SPTBN5: variants seen among roughly 807,000 people sequenced by gnomAD.
SPTBN5 encodes the protein spectrin beta chain, non-erythrocytic 5.
A neutral mutation model predicts 477.6 loss-of-function variants in SPTBN5; 513 were observed. The observed-to-expected ratio is 1.07, with a 90% CI of 1.00 to 1.16. SPTBN5 has a LOEUF of 1.16. SPTBN5 is among the 50% of genes most tolerant of loss of function. The pLI is 0.00. For synonymous variants in SPTBN5, 2,169 were observed against 2,011.7 expected (o/e 1.08, Z -2.09); for missense variants, 5,062 against 4,731.8 (o/e 1.07, Z -2.05).
rs776928265 is a variant in SPTBN5 at position 41,882,781 on chromosome 15, AGGCATG to A, written c.1893-49_1893-44del. 94 of 1,584,056 alleles carry A rather than the reference AGGCATG, an allele frequency of 5.9e-5. No individual in the cohort carries two copies. In the South Asian group the frequency reaches 6.0e-4, roughly 10 times the overall value. ...CCACCGAAGGACATGGGGAGTCGTG[AGGCATG>A]GGCAGTGGGTTCCCCTCCGGGTTTA... On this transcript the variant is annotated intron_variant, in intron 9 of 67. Coordinates refer to ENST00000320955, the MANE Select transcript of SPTBN5 (RefSeq NM_016642.4).
rs945709246 is a variant in SPTBN5 at position 41,867,716 on chromosome 15, T to TGGGCA, written c.6208-79_6208-75dup. The stretch of plus-strand genomic sequence containing the variant: ...CCCCTCCAGCTGCAGTCTGTGCCCA[T>TGGGCA]GGGCACTCTGGGTATGGCAGGGCCT... On this transcript the variant is annotated intron_variant, in intron 34 of 67. Coordinates refer to ENST00000320955, the MANE Select transcript of SPTBN5 (RefSeq NM_016642.4). The TGGGCA allele has an allele frequency of 2.9e-5, 40 of 1,375,356 alleles. No homozygotes were observed. In the African/African-American group the frequency reaches 4.7e-4, roughly 16 times the overall value. 85.2% of individuals were successfully genotyped at this position (1,375,356 alleles called of 1,614,324 possible). A position where few individuals can be genotyped will look rare whatever the true frequency, so the allele number is the denominator to read the frequency against.
At chr15:41,880,054 T>C in intron 14 of SPTBN5, 106 bp downstream of exon 14, 1 of 1,441,712 alleles carries the variant, frequency 6.9e-7, no homozygotes, top group Non-Finnish European at 9.2e-7. Flanking sequence ...TCTGCTCCCC[T>C]CCCCCAGGCA....
chr15:41,874,560 GC>G, intron 23 of SPTBN5, 82 bp from the exon 24 acceptor site: 1 of 1,228,826 alleles, frequency 8.1e-7, no homozygotes. Context: ...CCAAGCCAGG[GC>G]CCGTGAAGAA....
Position 41,857,442 on chromosome 15 carries a change from A to T in SPTBN5, c.8417T>A (p.Ile2806Asn). 1 of 1,607,464 alleles carries T rather than the reference A, an allele frequency of 6.2e-7. No individual in the cohort carries two copies. Among genetic ancestry groups the T allele is most frequent in the African/African-American group, 1.3e-5 (1 of 74,928 alleles). ...AGTGGGGGCTCTCAGCTCAACCTCG[A>T]TGGGCTCCAGCCAGTTCTCCAGTTC... is the stretch of plus-strand genomic sequence containing the variant. ...MEELENWLEPIEVELRAPTVG... is the reference protein window; with the variant it reads ...MEELENWLEPNEVELRAPTVG... Residue 2806 changes from isoleucine to asparagine, a missense_variant, in exon 51 of 68, where the codon ATC (isoleucine) becomes AAC (asparagine). Ile to Asn is a moderately radical substitution (Grantham distance 149, BLOSUM62 -3). Transcript: ENST00000320955.
In SPTBN5 at chr15:41,865,816, A is replaced by G; in HGVS notation, c.6910T>C (p.Ser2304Pro). The stretch of plus-strand genomic sequence containing the variant: ...CAGCAAGGCCCTCTTACCCCGGCCG[A>G]GTTTCCTCGGAACTCGCGGAGCCGC... ...RRRLREFRGN[S>P]AGDTVGDACI... is the part of the protein sequence containing the mutation. Residue 2304 changes from serine (S) to proline (P), a missense_variant, in exon 39 of 68, where the codon TCG becomes CCG. Physicochemically the swap from Ser to Pro is moderately conservative, Grantham distance 74. Coordinates refer to ENST00000320955, the MANE Select transcript of SPTBN5 (RefSeq NM_016642.4). The G allele has an allele frequency of 6.4e-7, 1 of 1,561,060 alleles. No homozygotes were observed. The highest frequency in any genetic ancestry group is 8.7e-7 in the Non-Finnish European group (1 of 1,152,860).
Position 41,855,386 on chromosome 15 carries a change from G to T in SPTBN5, c.9261C>A (p.His3087Gln), listed in dbSNP as rs543269481. 34 of 1,604,664 alleles carry T rather than the reference G, an allele frequency of 2.1e-5. No individual in the cohort carries two copies. In the South Asian group the frequency reaches 3.4e-4, roughly 16 times the overall value. Residue 3087 changes from histidine to glutamine, a missense_variant, in exon 55 of 68, where the codon CAC becomes CAA. Transcript: ENST00000320955. ...CCTCCGCCCTCCGCAGCAGCTCTGC[G>T]TGGGCCTCCCGAACTGCCTGCAGCT... is the stretch of plus-strand genomic sequence containing the variant. Reference protein sequence around the residue: ...LAQLQAVREAHAELLRRAEAR... With the variant: ...LAQLQAVREAQAELLRRAEAR...
intron 66 of SPTBN5, 164 bp downstream of exon 66, chr15:41,850,690 T>A (rs1040605547): frequency 6.2e-5 from 41 of 659,564 alleles, no homozygotes; most frequent in Non-Finnish European, 9.1e-5. Context: ...TTGCGTAACC[T>A]CTCCAGGACC....
At chr15:41,867,449 AG>A (rs2066364497) in intron 35 of SPTBN5, 88 bp downstream of exon 35, 2 of 1,272,924 alleles carry the variant, frequency 1.6e-6, no homozygotes, top group Admixed American at 3.4e-5. Context: ...CACTGCCTCC[AG>A]GAACACACCA....
In SPTBN5 at chr15:41,876,839, A is replaced by T. The variant is rs187363185; in HGVS notation, c.3821T>A (p.Leu1274Gln). ...AEALRAHGEK[L>Q]VQSQHPAAHT... ...TGCAGCTGGGTGCTGGCTCTGAACC[A>T]GCTTCTCGCCGTGTGCCCGCAGAGC... is the stretch of plus-strand genomic sequence containing the variant. The change falls in exon 19 of 68, where the codon CTG (leucine) becomes CAG (glutamine). Residue 1274 changes from leucine (L) to glutamine (Q), a missense_variant. Physicochemically the swap from Leu to Gln is moderately radical, Grantham distance 113. Transcript: ENST00000320955. The T allele has an allele frequency of 3.8e-5, 62 of 1,610,510 alleles. No individual in the cohort carries two copies. Among genetic ancestry groups the T allele is most frequent in the Non-Finnish European group, 4.9e-5 (58 of 1,179,810 alleles).
Position 41,882,570 on chromosome 15 carries a change from T to C in SPTBN5, c.2046+15A>G. On this transcript the variant is annotated intron_variant, in intron 10 of 67. Transcript: ENST00000320955. ...AGGCGCTGGCGACCGGCGGGCGCGC[T>C]CGGGGAGCTGACACCTTGTGTTTCT... is the stretch of plus-strand genomic sequence containing the variant. The C allele has an allele frequency of 6.3e-7, 1 of 1,583,814 alleles. No individual in the cohort carries two copies. Among genetic ancestry groups the C allele is most frequent in the South Asian group, 1.1e-5 (1 of 87,186 alleles).
chr15:41,886,068 A>G lies in SPTBN5; in HGVS notation c.1187T>C (p.Leu396Pro). ...CTCCAGCCCTGCCCAGCACTGGGACAGCTCTGCAAGGCCCAGGCCCTCATG... is the reference window on the plus strand; with the variant it reads ...CTCCAGCCCTGCCCAGCACTGGGACGGCTCTGCAAGGCCCAGGCCCTCATG... ...LPHEGLGLAE[L>P]SQCWAGLEWA... The change falls in exon 7 of 68, where the codon CTG (leucine) becomes CCG (proline). Residue 396 changes from leucine to proline, a missense_variant. Physicochemically the swap from Leu to Pro is moderately conservative, Grantham distance 98 (BLOSUM62 -3). Transcript: ENST00000320955. 6.3e-7 allele frequency: 1 copy of G among 1,595,506 alleles called. No homozygotes were observed.
chr15:41,876,085 C>A (rs776090143), intron 21 of SPTBN5, 29 bp downstream of exon 21: 1 of 1,582,540 alleles, frequency 6.3e-7, no homozygotes, highest in Non-Finnish European at 8.6e-7. Context: ...GACAAGGAGG[C>A]TCTGCACCCT....
Position 41,880,176 on chromosome 15 carries a change from A to G in SPTBN5, c.2795T>C (p.Met932Thr), listed in dbSNP as rs1243314269. 1 of 1,602,088 alleles carries G rather than the reference A, an allele frequency of 6.2e-7. No individual in the cohort carries two copies. ...VQPQADTLEVMQLKYENFLTA... is the reference protein window; with the variant it reads ...VQPQADTLEVTQLKYENFLTA... ...GGGCTGTACCTCATATTTGAGCTGC[A>G]TGACCTCCAGGGTGTCAGCCTGGGG... Residue 932 changes from methionine to threonine, a missense_variant, in exon 14 of 68, where the codon ATG becomes ACG. Coordinates refer to ENST00000320955, the MANE Select transcript of SPTBN5 (RefSeq NM_016642.4).
chr15:41,875,743 C>T, intron 21 of SPTBN5, 121 bp from the exon 22 acceptor site: 1 of 1,071,962 alleles, frequency 9.3e-7, no homozygotes, highest in Non-Finnish European at 1.3e-6. Flanking sequence ...ACTCCACGGG[C>T]TGCCTGGAAG....
chr15:41,875,281 G>T (rs931060211), intron 22 of SPTBN5, among the ~76,000 whole-genome samples, 177 bp downstream of exon 22: 2 of 152,250 alleles, frequency 1.3e-5, no homozygotes, highest in Non-Finnish European at 2.9e-5. Flanking sequence ...GCACACAGGA[G>T]AGAATCCTGC....
Position 41,875,119 on chromosome 15 carries a change from G to A in SPTBN5, c.4288-63C>T, listed in dbSNP as rs368356900. 72 of 1,465,786 alleles carry A rather than the reference G, an allele frequency of 4.9e-5. No homozygotes were observed. The Admixed American group carries it at 7.5e-4, about 15-fold the overall frequency. 90.8% of individuals were successfully genotyped at this position (1,465,786 alleles called of 1,614,324 possible). On this transcript the variant is annotated intron_variant, in intron 22 of 67. Transcript: ENST00000320955. Reference sequence around the variant, plus strand: ...GTACAGCACAGCAAGTGGCCTTCCCGGGCTCTGGGACTGTTGGACTTTTAG... The same window carrying A: ...GTACAGCACAGCAAGTGGCCTTCCCAGGCTCTGGGACTGTTGGACTTTTAG...
intron 9 of SPTBN5, 66 bp from the exon 10 acceptor site, chr15:41,882,804 C>T (rs1156980988): frequency 4.5e-6 from 7 of 1,550,224 alleles, no homozygotes; most frequent in Non-Finnish European, 4.4e-6. Flanking sequence ...GGGTTCCCCT[C>T]CGGGTTTAGA....
In SPTBN5 at chr15:41,851,270, C is replaced by T. The variant is rs374235955; in HGVS notation, c.10743+13G>A. ...CACCCTGATGTCTGCATCTCCCCTACCCCGCCTGGTACCTCCGCTGCCATC... is the reference window on the plus strand; with the variant it reads ...CACCCTGATGTCTGCATCTCCCCTATCCCGCCTGGTACCTCCGCTGCCATC... On this transcript the variant is annotated intron_variant, in intron 64 of 67. Transcript: ENST00000320955. 193 of 1,551,516 alleles carry T rather than the reference C, an allele frequency of 1.2e-4. No homozygotes were observed. The African/African-American group carries it at 2.3e-3, about 18-fold the overall frequency.
At chr15:41,880,914 T>C (rs1333255029) in intron 13 of SPTBN5, 120 bp downstream of exon 13, 4 of 860,400 alleles carry the variant, frequency 4.6e-6, no homozygotes, top group East Asian at 2.7e-5. Context: ...TTCTCAGCCA[T>C]GATAAAAGCT....
Sources: allele counts gnomAD v4.1 joint callset (sites outside exome capture counted in the v4.1 genomes callset), GRCh38; gene constraint gnomAD v4.1.1; transcripts MANE v1.5; gene names NCBI Gene and HGNC (gene_info 2026-07-23, HGNC 2026-07-21).